Variants in CCSER1 observed in about 807,000 individuals in gnomAD.
CCSER1 encodes the protein serine-rich coiled-coil domain-containing protein 1.
Under a neutral mutation model 82.0 loss-of-function variants are expected in CCSER1, and 41 were observed. That is an observed-to-expected ratio of 0.50 (90% CI 0.39 to 0.65). The LOEUF (loss-of-function observed/expected upper bound fraction) is 0.65. CCSER1 is among the 30% of genes least tolerant of loss of function. The pLI is 0.00. For missense variants in CCSER1, 1,119 were observed against 1,064.2 expected (o/e 1.05, Z -0.72); for synonymous variants, 414 against 383.9 (o/e 1.08, Z -0.92).
chr4:91,243,362 T>C (rs1038523294), intron 10 of CCSER1, among the ~76,000 whole-genome samples: 2 of 152,182 alleles, frequency 1.3e-5, no homozygotes, highest in East Asian at 1.9e-4. Flanking sequence ...TCTAGGCAAC[T>C]TGTAGTGCTA....
chr4:90,891,720 G>A (rs1271885172), intron 8 of CCSER1, among the ~76,000 whole-genome samples: 3 of 151,928 alleles, frequency 2.0e-5, no homozygotes, highest in African/African-American at 4.8e-5. Context: ...TTACCAGCTG[G>A]TTTCCTTGAA....
At chr4:91,134,771 A>T (rs1274333592) in intron 10 of CCSER1, among the ~76,000 whole-genome samples, 1 of 151,958 alleles carries the variant, frequency 6.6e-6, no homozygotes, top group Non-Finnish European at 1.5e-5. Context: ...GTCTTAAAAT[A>T]CTCCTCCTGG....
intron 10 of CCSER1, among the ~76,000 whole-genome samples, chr4:91,446,672 A>ATATATAT (rs1553938715): frequency 0.057 from 4,096 of 72,256 alleles, 85 homozygotes; most frequent in Middle Eastern, 0.12. Context: ...ATTTTAAATA[A>ATATATAT]ATAAATATAT....
At chr4:91,140,197 C>G (rs1004230322) in intron 10 of CCSER1, among the ~76,000 whole-genome samples, 1 of 151,660 alleles carries the variant, frequency 6.6e-6, no homozygotes, top group Non-Finnish European at 1.5e-5. Flanking sequence ...CTTCCTTGAA[C>G]CACACCATTT....
chr4:91,225,330 AT>A (rs1738086536), intron 10 of CCSER1, among the ~76,000 whole-genome samples: 1 of 129,656 alleles, frequency 7.7e-6, no homozygotes, highest in African/African-American at 3.2e-5. Context: ...ATATGTATAT[AT>A]ATTATATATG....
At chr4:90,774,909 C>T (rs1455865408) in intron 7 of CCSER1, among the ~76,000 whole-genome samples, 4 of 152,108 alleles carry the variant, frequency 2.6e-5, no homozygotes, top group African/African-American at 7.2e-5. Context: ...GGTAAGAGTA[C>T]AATCCTCAGC....
rs549103627 is a variant in CCSER1, at chr4:90,704,013, T to A, written c.1933-19901T>A. 3.3e-5 allele frequency among the ~76,000 whole-genome samples: 5 copies of A among 152,248 alleles called. No homozygotes were observed. In the South Asian group the frequency reaches 1.0e-3, roughly 32 times the overall value. ...TGTTATGTGTGAATTTGATCCTGTC[T>A]TTATGATGTTAGGTGTTTATTTTGC... On this transcript the variant is annotated intron_variant, in intron 6 of 10. Coordinates refer to ENST00000509176, the MANE Select transcript of CCSER1 (RefSeq NM_001145065.2).
intron 10 of CCSER1, among the ~76,000 whole-genome samples, chr4:91,363,778 A>G (rs1749424416): frequency 6.6e-6 from 1 of 151,700 alleles, no homozygotes; most frequent in Non-Finnish European, 1.5e-5. Flanking sequence ...TCTTATTACT[A>G]TATTTATTTC....
At chr4:90,830,619 A>G (rs1322670514) in intron 8 of CCSER1, among the ~76,000 whole-genome samples, 8 of 152,112 alleles carry the variant, frequency 5.3e-5, no homozygotes, top group Non-Finnish European at 8.8e-5. Flanking sequence ...CACAGACACA[A>G]CTGCCCATTT....
At chr4:91,026,900 A>G (rs1740534614) in intron 9 of CCSER1, among the ~76,000 whole-genome samples, 1 of 152,106 alleles carries the variant, frequency 6.6e-6, no homozygotes, top group Non-Finnish European at 1.5e-5. Context: ...CGTAAATGGG[A>G]AAGCTCCAGG....
At chr4:90,347,284 A>G (rs762295438) in intron 3 of CCSER1, among the ~76,000 whole-genome samples, 16 of 151,900 alleles carry the variant, frequency 1.1e-4, no homozygotes, top group Non-Finnish European at 1.9e-4. Flanking sequence ...TATTTTTTAA[A>G]CATTCAGTGA....
intron 6 of CCSER1, among the ~76,000 whole-genome samples, chr4:90,700,135 C>A (rs1007930386): frequency 5.3e-5 from 8 of 152,050 alleles, no homozygotes; most frequent in African/African-American, 1.9e-4. Context: ...TATCCCTCCC[C>A]ACTCCCCTCA....
At chr4:90,719,432 A>T (rs367843348) in intron 6 of CCSER1, among the ~76,000 whole-genome samples, 22 of 152,294 alleles carry the variant, frequency 1.4e-4, no homozygotes, top group African/African-American at 5.3e-4. Flanking sequence ...AATAACGTGC[A>T]CAATAAATGT....
intron 9 of CCSER1, among the ~76,000 whole-genome samples, chr4:90,936,729 CAT>C (rs938184659): frequency 6.6e-6 from 1 of 152,000 alleles, no homozygotes; most frequent in African/African-American, 2.4e-5. Context: ...TATAATATAA[CAT>C]ATAAAATATA....
intron 10 of CCSER1, among the ~76,000 whole-genome samples, chr4:91,550,437 T>C (rs1188003388): frequency 6.6e-6 from 1 of 152,192 alleles, no homozygotes; most frequent in Non-Finnish European, 1.5e-5. Flanking sequence ...TCTGCTCTGA[T>C]AAGTTGTGGC....
intron 8 of CCSER1, among the ~76,000 whole-genome samples, chr4:90,875,590 G>C (rs993162518): frequency 6.6e-6 from 1 of 152,138 alleles, no homozygotes; most frequent in Non-Finnish European, 1.5e-5. Flanking sequence ...TAGGCATTTT[G>C]TAACAAGTCT....
At chr4:90,286,197 T>C (rs1233851375) in intron 1 of CCSER1, among the ~76,000 whole-genome samples, 1 of 152,046 alleles carries the variant, frequency 6.6e-6, no homozygotes, top group Admixed American at 6.6e-5. Flanking sequence ...TTTGGAATAG[T>C]TTAAACAGTT....
At chr4:91,083,423 G>T (rs990237366) in intron 9 of CCSER1, among the ~76,000 whole-genome samples, 1 of 152,014 alleles carries the variant, frequency 6.6e-6, no homozygotes, top group Non-Finnish European at 1.5e-5. Flanking sequence ...GGGTTGGCGG[G>T]GGGAAGGATA....
chr4:91,377,234 G>T (rs755732157), intron 10 of CCSER1, among the ~76,000 whole-genome samples: 2 of 152,114 alleles, frequency 1.3e-5, no homozygotes, highest in Non-Finnish European at 2.9e-5. Flanking sequence ...CTTTATAGCA[G>T]GATGACTTAT....
Sources: gnomAD v4.1 joint callset for allele counts (sites outside exome capture counted in the v4.1 genomes callset) on GRCh38, gnomAD v4.1.1 for gene constraint, MANE v1.5 for transcripts, NCBI Gene and HGNC (gene_info 2026-07-23, HGNC 2026-07-21) for gene names.